Variants in POU2F2 observed in about 807,000 individuals in gnomAD.
The protein encoded by POU2F2 is POU domain, class 2, transcription factor 2.
POU2F2 carries 14 observed loss-of-function variants against 63.5 expected under a neutral mutation model. That is an observed-to-expected ratio of 0.22 (90% CI 0.15 to 0.34). POU2F2 has a LOEUF of 0.34. Ranked by LOEUF, POU2F2 falls within the 10% of genes least tolerant of loss-of-function variation. POU2F2 has a pLI of 1.00. For missense variants in POU2F2, 607 were observed against 815.2 expected, an observed-to-expected ratio of 0.74 and a Z score of 3.11; for synonymous variants, 306 against 348.6, an observed-to-expected ratio of 0.88 and a Z score of 1.36.
chr19:42,109,649 T>A (rs2030754189), intron 5 of POU2F2, among the ~76,000 whole-genome samples: 3 of 152,218 alleles, frequency 2.0e-5, no homozygotes, highest in African/African-American at 4.8e-5. Flanking sequence ...TTTTAGTTTT[T>A]GTTTTTTAAG....
rs972691284 is a variant in POU2F2, at chr19:42,092,194, A to G, written c.1341T>C (p.Ala447=). 1.3e-6 allele frequency: 2 copies of G among 1,547,962 alleles called. No individual in the cohort carries two copies. Among genetic ancestry groups the G allele is most frequent in the African/African-American group, 2.7e-5 (2 of 73,424 alleles). ...TAGGGGGGGG[A]APPLNSIPSV... Reference sequence around the variant, plus strand: ...AGGGGATGGAATTGAGGGGGGGCGCAGCCCCGCCCCCGCCCCCACCCCCTC... The same window carrying G: ...AGGGGATGGAATTGAGGGGGGGCGCGGCCCCGCCCCCGCCCCCACCCCCTC... The change falls in exon 13 of 15, where the codon GCT becomes GCC. Residue 447 remains alanine (A), a synonymous_variant. Transcript: ENST00000692977. This position sits in a 1 kb window ranked among gnomAD's most constrained non-coding sequence, Gnocchi z 5.0.
At chr19:42,157,920 A>C (rs1374869597) in intron 2 of POU2F2, among the ~76,000 whole-genome samples, 3 of 152,266 alleles carry the variant, frequency 2.0e-5, no homozygotes, top group South Asian at 4.1e-4. Flanking sequence ...CCACAACCCC[A>C]GGGCTGGGAG....
chr19:42,143,509 G>T (rs1053414834), intron 2 of POU2F2, among the ~76,000 whole-genome samples: 5 of 152,164 alleles, frequency 3.3e-5, no homozygotes, highest in African/African-American at 1.2e-4. Flanking sequence ...TGCTCAGTAG[G>T]GAGTGCCCAT....
At chr19:42,191,593 T>C (rs1281410353) in intron 1 of POU2F2, among the ~76,000 whole-genome samples, 1 of 152,054 alleles carries the variant, frequency 6.6e-6, no homozygotes, top group African/African-American at 2.4e-5. Context: ...ATTAGAGAGC[T>C]AGTGAAAGAG....
rs1293212936 is a variant in POU2F2, at chr19:42,169,005, C to A, written c.-70+6958G>T. 6.6e-6 allele frequency among the ~76,000 whole-genome samples: 1 copy of A among 152,202 alleles called. No homozygotes were observed. Among genetic ancestry groups the A allele is most frequent in the African/African-American group, 2.4e-5 (1 of 41,446 alleles). ...CTTGGAGCTCTTAGAGAGCAAGGCC[C>A]AGGTCTGTCTCGTAAACCACTGTTT... On this transcript the variant is annotated intron_variant, in intron 1 of 6. Transcript: ENST00000524801. The surrounding 1 kb of genome is among the most constrained non-coding windows in gnomAD (Gnocchi z 4.3).
chr19:42,195,028 AC>A (rs1295158324), intron 1 of POU2F2, among the ~76,000 whole-genome samples: 1 of 79,300 alleles, frequency 1.3e-5, no homozygotes, highest in Non-Finnish European at 2.6e-5. Context: ...GGAGGGAGGA[AC>A]GAAGGGAGGG....
intron 1 of POU2F2, among the ~76,000 whole-genome samples, chr19:42,192,390 C>A (rs1347988135): frequency 2.6e-5 from 4 of 152,086 alleles, no homozygotes; most frequent in Non-Finnish European, 5.9e-5. Context: ...TTTGAGATGT[C>A]CCCAGTGATC....
At chr19:42,142,930 G>T (rs1441528055) in intron 2 of POU2F2, among the ~76,000 whole-genome samples, 3 of 152,082 alleles carry the variant, frequency 2.0e-5, no homozygotes, top group African/African-American at 4.8e-5. Context: ...TCAAATAAAT[G>T]ATTATCCCAA....
In POU2F2 at chr19:42,117,153, G is replaced by A; in HGVS notation, c.369+97C>T. 2.0e-6 allele frequency: 2 copies of A among 999,112 alleles called. No individual in the cohort carries two copies. Among genetic ancestry groups the A allele is most frequent in the Non-Finnish European group, 2.9e-6 (2 of 679,426 alleles). 61.9% of individuals were successfully genotyped at this position (999,112 alleles called of 1,614,324 possible). ...GGGCAAGAGGCAGGTGTGAGAGAGT[G>A]GCCATGGCCTTGGTGGAACAGTTCA... On this transcript the variant is annotated intron_variant, in intron 5 of 14. Coordinates refer to ENST00000692977, the MANE Select transcript of POU2F2 (RefSeq NM_001394376.1). This position sits in a 1 kb window ranked among gnomAD's most constrained non-coding sequence, Gnocchi z 4.4.
At chr19:42,141,921 TA>T (rs2034136138) in intron 2 of POU2F2, among the ~76,000 whole-genome samples, 1 of 152,218 alleles carries the variant, frequency 6.6e-6, no homozygotes, top group Admixed American at 6.5e-5. Context: ...AAGTAAATTA[TA>T]ATACATTCAT....
At chr19:42,118,394 C>T (rs949969736) in intron 4 of POU2F2, among the ~76,000 whole-genome samples, 1 of 152,128 alleles carries the variant, frequency 6.6e-6, no homozygotes, top group Non-Finnish European at 1.5e-5. Context: ...CTGGAGAGAG[C>T]GCCTGCCTAA....
intron 1 of POU2F2, among the ~76,000 whole-genome samples, chr19:42,167,522 A>AT (rs1227926995): frequency 6.6e-6 from 1 of 152,162 alleles, no homozygotes; most frequent in Non-Finnish European, 1.5e-5. Context: ...GAGAAGGTAG[A>AT]TTTTGACAGC....
At chr19:42,195,047 A>G (rs1275182657) in intron 1 of POU2F2, among the ~76,000 whole-genome samples, 100 of 36,806 alleles carry the variant, frequency 2.7e-3, no homozygotes, top group Non-Finnish European at 3.3e-3. Flanking sequence ...GGGAGGGAGG[A>G]AGGAAGGGAG....
At chr19:42,192,944 G>A (rs2035089348) in intron 1 of POU2F2, among the ~76,000 whole-genome samples, 1 of 152,106 alleles carries the variant, frequency 6.6e-6, no homozygotes, top group Non-Finnish European at 1.5e-5. Flanking sequence ...GCAAAAGCCA[G>A]GCGCGGTGGC....
At chr19:42,124,568 C>T (rs1319375510) in intron 1 of POU2F2, among the ~76,000 whole-genome samples, 1 of 152,182 alleles carries the variant, frequency 6.6e-6, no homozygotes, top group Non-Finnish European at 1.5e-5. Flanking sequence ...CACTCCTGGG[C>T]ATCTGCCCAA....
Position 42,091,099 on chromosome 19 carries a change from T to C in POU2F2, c.*158A>G. ...TTTGTTGGTTAGTTTCTTTCCTTTT[T>C]TTTTTTTTTTTTGGTTGGTTGTTTT... is the stretch of plus-strand genomic sequence containing the variant. On this transcript the variant is annotated 3_prime_UTR_variant, in exon 15 of 15. Coordinates refer to ENST00000692977, the MANE Select transcript of POU2F2 (RefSeq NM_001394376.1). 1 of 537,638 alleles carries C rather than the reference T, an allele frequency of 1.9e-6. No individual in the cohort carries two copies. Among genetic ancestry groups the C allele is most frequent in the Middle Eastern group, 5.9e-4 (1 of 1,698 alleles). 33.3% of individuals were successfully genotyped at this position (537,638 alleles called of 1,614,324 possible).
At chr19:42,196,032 G>A (rs1394056584) in intron 1 of POU2F2, among the ~76,000 whole-genome samples, 4 of 152,104 alleles carry the variant, frequency 2.6e-5, no homozygotes, top group Admixed American at 6.6e-5. Context: ...TGAACAGTTC[G>A]TTTCTGTCCT....
intron 1 of POU2F2, among the ~76,000 whole-genome samples, chr19:42,190,775 G>A (rs1302203995): frequency 1.3e-5 from 2 of 152,052 alleles, no homozygotes; most frequent in East Asian, 1.9e-4. Context: ...TATTTCATGC[G>A]GTATATGTAT....
intron 1 of POU2F2, among the ~76,000 whole-genome samples, chr19:42,171,650 G>C (rs1216489407): frequency 2.6e-5 from 4 of 152,202 alleles, no homozygotes; most frequent in African/African-American, 9.7e-5. Context: ...GAAAGTGACA[G>C]ATGCTGCCTC....
Sources: gnomAD v4.1 joint callset for allele counts (sites outside exome capture counted in the v4.1 genomes callset) on GRCh38, gnomAD v4.1.1 for gene constraint, Gnocchi (gnomAD v3.1) non-coding constraint, MANE v1.5 for transcripts, NCBI Gene and HGNC (gene_info 2026-07-23, HGNC 2026-07-21) for gene names.